The following RYR3 variants were observed in gnomAD, a reference collection of about 807,000 sequenced individuals.
The protein encoded by RYR3 is brain ryanodine receptor-calcium release channel.
RYR3 carries 207 observed loss-of-function variants against 584.3 expected under a neutral mutation model. The observed-to-expected ratio is 0.35, with a 90% CI of 0.32 to 0.40. The LOEUF (loss-of-function observed/expected upper bound fraction) is 0.40. RYR3 is among the 10% of genes least tolerant of loss of function. The pLI is 1.00. For missense variants in RYR3, 5,616 were observed against 6,089.2 expected, an observed-to-expected ratio of 0.92 and a Z score of 2.59; for synonymous variants, 2,416 against 2,248.5, an observed-to-expected ratio of 1.07 and a Z score of -2.11.
chr15:33,691,306 A>G (rs1249112303), intron 38 of RYR3, among the ~76,000 whole-genome samples: 2 of 152,234 alleles, frequency 1.3e-5, no homozygotes, highest in Non-Finnish European at 2.9e-5. Context: ...AAGAACTTCA[A>G]AATCTTGACA....
At chr15:33,422,927 C>T (rs2044341567) in intron 1 of RYR3, among the ~76,000 whole-genome samples, 2 of 152,202 alleles carry the variant, frequency 1.3e-5, no homozygotes, top group South Asian at 2.1e-4. Context: ...TTTATTCCCT[C>T]TTGTAGTAGT....
intron 76 of RYR3, 76 bp from the exon 77 acceptor site, chr15:33,819,680 A>AAATAAAT: frequency 4.5e-6 from 1 of 222,270 alleles, no homozygotes; most frequent in East Asian, 1.0e-4. Flanking sequence ...TCTCAAAAAT[A>AAATAAAT]AATAAATAAA....
At position 33,825,647 on chromosome 15, in the gene RYR3, G is replaced by A; in HGVS notation, c.11117G>A (p.Gly3706Asp). ...TTTGAGAGGCAGAATAAAGCTGAAG[G>A]CCTGGGGATGGTGACTGAAGAAGGA... ...NAFERQNKAE[G>D]LGMVTEEGTL... The change falls in exon 82 of 104, where the codon GGC (glycine) becomes GAC (aspartate). Residue 3706 changes from glycine (G) to aspartate (D), a missense_variant. Coordinates refer to ENST00000634891, the MANE Select transcript of RYR3 (RefSeq NM_001036.6). 1 of 1,612,000 alleles carries A rather than the reference G, an allele frequency of 6.2e-7. No homozygotes were observed. The highest frequency in any genetic ancestry group is 8.5e-7 in the Non-Finnish European group (1 of 1,178,462).
chr15:33,366,764 A>G (rs1301134630), intron 1 of RYR3, among the ~76,000 whole-genome samples: 2 of 152,202 alleles, frequency 1.3e-5, no homozygotes, highest in Non-Finnish European at 2.9e-5. Context: ...AGATGGCTTT[A>G]CTCAAAATGC....
At chr15:33,840,668 T>C (rs942763021) in intron 89 of RYR3, 157 bp from the exon 90 acceptor site, 7 of 659,972 alleles carry the variant, frequency 1.1e-5, no homozygotes, top group African/African-American at 7.2e-5. Context: ...TCACTTGACA[T>C]ATATAGCAGG....
intron 38 of RYR3, among the ~76,000 whole-genome samples, chr15:33,684,275 G>A (rs2064836179): frequency 6.6e-6 from 1 of 152,188 alleles, no homozygotes. Flanking sequence ...GCCCCTCTGG[G>A]ATGAAGTTTC....
At chr15:33,563,405 A>G (rs924678066) in intron 11 of RYR3, among the ~76,000 whole-genome samples, 6 of 152,256 alleles carry the variant, frequency 3.9e-5, no homozygotes, top group African/African-American at 1.4e-4. Context: ...GAAAATGCAG[A>G]TTGCATAATA....
chr15:33,652,891 C>T lies in RYR3; in HGVS notation c.4308+8C>T, dbSNP rs144417845. 4.7e-5 allele frequency: 76 copies of T among 1,601,796 alleles called. No homozygotes were observed. The East Asian group carries it at 1.6e-3, about 34-fold the overall frequency. On this transcript the variant is annotated splice_region_variant and intron_variant, in intron 32 of 103. Transcript: ENST00000634891. ...CTGGGCACCTGCTACCAGGTAAGGGCGGCTTCTGGGGCCGAAACAGGGCTA... is the reference window on the plus strand; with the variant it reads ...CTGGGCACCTGCTACCAGGTAAGGGTGGCTTCTGGGGCCGAAACAGGGCTA...
intron 38 of RYR3, among the ~76,000 whole-genome samples, chr15:33,678,579 T>C (rs140924284): frequency 2.0e-5 from 3 of 152,332 alleles, no homozygotes; most frequent in Admixed American, 6.5e-5. Flanking sequence ...TACATTATGA[T>C]AATGAGAGGT....
chr15:33,818,643 G>A lies in RYR3; in HGVS notation c.10665G>A (p.Gln3555=), dbSNP rs2076946729. The change falls in exon 76 of 104, where the codon CAG becomes CAA. Residue 3555 remains glutamine, a synonymous_variant. Transcript: ENST00000634891. ...ETEKQPDPLH[Q]IILYFSRNAL... is the part of the protein sequence containing the mutation. ...AAAAACAACCTGACCCACTACATCA[G>A]ATCATTCTCTATTTTAGCCGCAACG... 10 of 1,613,834 alleles carry A rather than the reference G, an allele frequency of 6.2e-6. No homozygotes were observed. The highest frequency in any genetic ancestry group is 1.7e-5 in the Admixed American group (1 of 60,008).
intron 45 of RYR3, among the ~76,000 whole-genome samples, chr15:33,724,647 T>C (rs907578900): frequency 4.6e-5 from 7 of 152,242 alleles, no homozygotes; most frequent in African/African-American, 1.7e-4. Context: ...GGTTCTATTT[T>C]ATGAGATGTC....
intron 84 of RYR3, 76 bp downstream of exon 84, chr15:33,826,828 T>A: frequency 1.0e-6 from 1 of 980,320 alleles, no homozygotes; most frequent in Non-Finnish European, 1.6e-6. Flanking sequence ...TATGCCCCAT[T>A]TGATGCAACT....
intron 1 of RYR3, among the ~76,000 whole-genome samples, chr15:33,428,399 A>G (rs1369969399): frequency 6.6e-6 from 1 of 152,232 alleles, no homozygotes; most frequent in Non-Finnish European, 1.5e-5. Flanking sequence ...GCAGGTAGAT[A>G]TTAAGTTTTG....
At chr15:33,531,288 GAA>G (rs35046671) in intron 4 of RYR3, among the ~76,000 whole-genome samples, 4,346 of 151,732 alleles carry the variant, frequency 0.029, 70 homozygotes, top group Non-Finnish European at 0.04. Flanking sequence ...AATGTAACTT[GAA>G]AAAATTGCTA....
At chr15:33,439,571 C>T (rs546946975) in intron 1 of RYR3, among the ~76,000 whole-genome samples, 15 of 152,112 alleles carry the variant, frequency 9.9e-5, no homozygotes, top group Non-Finnish European at 1.6e-4. Flanking sequence ...GTTTTAATCT[C>T]ATAAAATTAG....
intron 2 of RYR3, among the ~76,000 whole-genome samples, chr15:33,478,218 T>C (rs999606236): frequency 7.9e-5 from 12 of 152,132 alleles, no homozygotes; most frequent in Non-Finnish European, 1.3e-4. Context: ...GCTTGCCAGC[T>C]GGGATGTGTC....
At chr15:33,456,048 TAA>T (rs1331458221) in intron 1 of RYR3, among the ~76,000 whole-genome samples, 3 of 152,230 alleles carry the variant, frequency 2.0e-5, no homozygotes, top group African/African-American at 7.2e-5. Context: ...TGTGTGTGAA[TAA>T]CTGTAATCTA....
rs369405135 is a variant in RYR3 at position 33,681,682 on chromosome 15, A to G, written c.5860+11126A>G. On this transcript the variant is annotated intron_variant, in intron 38 of 103. Coordinates refer to ENST00000634891, the MANE Select transcript of RYR3 (RefSeq NM_001036.6). ...TCACTTAGAATTTAAAAATAAGTGT[A>G]CATCCTTTACATGCACATAATTATT... Among the ~76,000 whole-genome samples the G allele has an allele frequency of 6.6e-5, 10 of 152,250 alleles. No homozygotes were observed. The East Asian group carries it at 1.9e-3, about 29-fold the overall frequency.
chr15:33,791,764 G>A (rs2075173729), intron 67 of RYR3, among the ~76,000 whole-genome samples: 1 of 152,164 alleles, frequency 6.6e-6, no homozygotes, highest in Non-Finnish European at 1.5e-5. Flanking sequence ...AAACAGGCTA[G>A]GGAGTTAAGG....
Sources: gnomAD v4.1 joint callset for allele counts (sites outside exome capture counted in the v4.1 genomes callset) on GRCh38, gnomAD v4.1.1 for gene constraint, MANE v1.5 for transcripts, NCBI Gene and HGNC (gene_info 2026-07-23, HGNC 2026-07-21) for gene names.